Variants in SEMA4C observed in about 807,000 individuals in gnomAD.
The protein encoded by SEMA4C is semaphorin 4C.
Under a neutral mutation model 89.0 loss-of-function variants are expected in SEMA4C, and 19 were observed. The observed-to-expected ratio is 0.21, with a 90% confidence interval of 0.15 to 0.31. SEMA4C has a LOEUF of 0.31. SEMA4C is among the 10% of genes least tolerant of loss of function. The probability of loss-of-function intolerance (pLI) is 1.00; values close to 1 mark genes in which losing one functional copy is unlikely to be tolerated. For synonymous variants in SEMA4C, 428 were observed against 472.7 expected (o/e 0.91, Z 1.23); for missense variants, 811 against 1,107.0 (o/e 0.73, Z 3.79).
intron 2 of SEMA4C, 117 bp from the exon 3 acceptor site, chr2:96,866,548 AT>A: frequency 7.2e-7 from 1 of 1,395,432 alleles, no homozygotes; most frequent in South Asian, 1.2e-5. Flanking sequence ...AAACCCCCTG[AT>A]TGGCAATAAA....
Position 96,860,608 on chromosome 2 carries a change from A to G in SEMA4C, c.*18T>C, listed in dbSNP as rs367613111. Reference sequence around the variant, plus strand: ...GCTACACCTCCCACGCTTCCCGCCGACGCGGTGGGGGTTCCCCTCATACTG... The same window carrying G: ...GCTACACCTCCCACGCTTCCCGCCGGCGCGGTGGGGGTTCCCCTCATACTG... On this transcript the variant is annotated 3_prime_UTR_variant, in exon 15 of 15. Transcript: ENST00000305476. 1.3e-6 allele frequency: 2 copies of G among 1,574,298 alleles called. No homozygotes were observed. Among genetic ancestry groups the G allele is most frequent in the African/African-American group, 1.4e-5 (1 of 73,644 alleles).
At chr2:96,863,447 C>A (rs369447905) in intron 12 of SEMA4C, 1 of 1,300,268 alleles carries the variant, frequency 7.7e-7, no homozygotes, top group Admixed American at 3.4e-5. Flanking sequence ...ATGCTGGGAG[C>A]GCAGCCCCGT....
At position 96,865,906 on chromosome 2, in the gene SEMA4C, C is replaced by A. The variant is rs576787933; in HGVS notation, c.282G>T (p.Glu94Asp). 1.2e-6 allele frequency: 2 copies of A among 1,614,100 alleles called. No individual in the cohort carries two copies. The highest frequency in any genetic ancestry group is 2.7e-5 in the African/African-American group (2 of 75,062). ...QGAISWEAPVEKKTECIQKGK... is the reference protein window; with the variant it reads ...QGAISWEAPVDKKTECIQKGK... The stretch of plus-strand genomic sequence containing the variant: ...CTTTCTGGATACACTCAGTCTTCTT[C>A]TCCACGGGGGCCTCCCAGGAGATCT... Residue 94 changes from glutamate to aspartate, a missense_variant, in exon 4 of 15, where the codon GAG (glutamate) becomes GAT (aspartate). Transcript: ENST00000305476.
chr2:96,870,427 G>T, upstream of SEMA4C: 1 of 819,074 alleles, frequency 1.2e-6, no homozygotes, highest in Non-Finnish European at 1.5e-6. Flanking sequence ...CTGGGCTGGG[G>T]AGAGGGACTC....
chr2:96,863,789 C>T lies in SEMA4C; in HGVS notation c.1336G>A (p.Gly446Ser), dbSNP rs1382847225. The T allele has an allele frequency of 3.7e-6, 6 of 1,613,730 alleles. No homozygotes were observed. The highest frequency in any genetic ancestry group is 5.1e-6 in the Non-Finnish European group (6 of 1,179,986). Residue 446 changes from glycine to serine, a missense_variant, in exon 12 of 15, where the codon GGC becomes AGC. By Grantham distance (56) the Gly-to-Ser change is moderately conservative. Coordinates refer to ENST00000305476, the MANE Select transcript of SEMA4C (RefSeq NM_017789.5). Reference sequence around the variant, plus strand: ...AGGCTCACAGCCTTGAGCAGCCAGCCGTCTCCTGGGGGGTGCAGAGGAGAA... The same window carrying T: ...AGGCTCACAGCCTTGAGCAGCCAGCTGTCTCCTGGGGGGTGCAGAGGAGAA... ...YTVLFIGTGD[G>S]WLLKAVSLGP...
chr2:96,869,401 G>C (rs1245252705), intron 1 of SEMA4C: 3 of 985,128 alleles, frequency 3.0e-6, no homozygotes, highest in Non-Finnish European at 3.6e-6. Context: ...GCTCCAGCCG[G>C]GGACGGCGCG....
chr2:96,864,878 G>A lies in SEMA4C; in HGVS notation c.789C>T (p.Gly263=), dbSNP rs777990010. The part of the protein sequence containing the change: ...VVARVARVCK[G]DMGGARTLQR... ...GCAGGGTCCGTGCGCCCCCCATATC[G>A]CCCTGGCAGACGGCAAGGGGACACT... The change falls in exon 9 of 15, where the codon GGC becomes GGT. Residue 263 remains glycine, a splice_region_variant and synonymous_variant. Transcript: ENST00000305476. This position sits in a 1 kb window ranked among gnomAD's most constrained non-coding sequence, Gnocchi z 6.3. The A allele has an allele frequency of 1.3e-5, 21 of 1,612,614 alleles. No individual in the cohort carries two copies. The highest frequency in any genetic ancestry group is 2.7e-5 in the African/African-American group (2 of 74,918).
chr2:96,862,114 C>T (rs901180236), intron 12 of SEMA4C: 1 of 562,140 alleles, frequency 1.8e-6, no homozygotes, highest in Non-Finnish European at 3.1e-6. Context: ...AGATGCAATC[C>T]TAAGCCCCTT....
chr2:96,870,241 C>T, upstream of SEMA4C: 1 of 985,476 alleles, frequency 1.0e-6, no homozygotes, highest in Non-Finnish European at 1.2e-6. Flanking sequence ...ACCTCCGCCT[C>T]TCTGGGTGCC....
At chr2:96,865,621 G>C in intron 5 of SEMA4C, 45 bp downstream of exon 5, 1 of 1,598,248 alleles carries the variant, frequency 6.3e-7, no homozygotes, top group Non-Finnish European at 8.6e-7. Flanking sequence ...GAAGGGTGAG[G>C]AGGGCGGGGG....
Position 96,865,526 on chromosome 2 carries a change from G to A in SEMA4C, c.432C>T (p.Thr144=), listed in dbSNP as rs758380843. Residue 144 remains threonine (T), a synonymous_variant, in exon 6 of 15, where the codon ACC becomes ACT. Coordinates refer to ENST00000305476, the MANE Select transcript of SEMA4C (RefSeq NM_017789.5). The stretch of plus-strand genomic sequence containing the variant: ...CAAACTCTCCATGCTCCAAAGTGAA[G>A]GTGAGCATGTTCTAAGGACAGAGAG... ...QPKCTYVNML[T]FTLEHGEFED... is the part of the protein sequence containing the mutation. 2 of 1,613,974 alleles carry A rather than the reference G, an allele frequency of 1.2e-6. No individual in the cohort carries two copies. Among genetic ancestry groups the A allele is most frequent in the Non-Finnish European group, 8.5e-7 (1 of 1,179,932 alleles).
Position 96,865,490 on chromosome 2 carries a change from C to T in SEMA4C, c.468G>A (p.Lys156=). The change falls in exon 6 of 15, where the codon AAG becomes AAA. Residue 156 remains lysine, a synonymous_variant. Transcript: ENST00000305476. ...TAGCTGGGTCATAGGGACACTTGCC[C>T]TTCCCATCTTCAAACTCTCCATGCT... ...TLEHGEFEDG[K]GKCPYDPAKG... The T allele has an allele frequency of 6.2e-7, 1 of 1,614,128 alleles. No homozygotes were observed. The highest frequency in any genetic ancestry group is 8.5e-7 in the Non-Finnish European group (1 of 1,180,048).
intron 12 of SEMA4C, chr2:96,863,347 C>T (rs2079995339): frequency 9.2e-7 from 1 of 1,085,056 alleles, no homozygotes; most frequent in African/African-American, 1.6e-5. Flanking sequence ...GGTCTGGTCA[C>T]AGGGGCATGG....
Position 96,861,994 on chromosome 2 carries a change from C to A in SEMA4C, c.1444-100G>T. The A allele has an allele frequency of 7.8e-7, 1 of 1,286,690 alleles. No individual in the cohort carries two copies. The highest frequency in any genetic ancestry group is 1.1e-6 in the Non-Finnish European group (1 of 934,698). The allele number at this position is 1,286,690 out of a possible 1,614,324, so 79.7% of individuals were successfully genotyped here. A position where few individuals can be genotyped will look rare whatever the true frequency, so the allele number is the denominator to read the frequency against. On this transcript the variant is annotated intron_variant, in intron 12 of 14. Transcript: ENST00000305476. The surrounding 1 kb of genome is among the most constrained non-coding windows in gnomAD (Gnocchi z 7.8). ...AGCATGGGGACAGCTTGGACTCCTG[C>A]AGGGGGCACAGCACGGGGCGCCAGA...
At chr2:96,866,018 G>A (rs978689626) in intron 3 of SEMA4C, 89 bp from the exon 4 acceptor site, 24 of 1,359,970 alleles carry the variant, frequency 1.8e-5, no homozygotes, top group South Asian at 3.7e-5. Context: ...ACACAGGGAC[G>A]CCCAGTGCAG....
At chr2:96,867,606 C>T (rs965116685) in intron 2 of SEMA4C, among the ~76,000 whole-genome samples, 172 bp downstream of exon 2, 2 of 152,200 alleles carry the variant, frequency 1.3e-5, no homozygotes, top group African/African-American at 4.8e-5. Context: ...GGGAGTTGGA[C>T]AGAGCTCCCC....
Position 96,866,396 on chromosome 2 carries a change from CG to C in SEMA4C, c.144del (p.Gly49AlafsTer6). The C allele has an allele frequency of 1.2e-6, 2 of 1,613,930 alleles. No homozygotes were observed. The highest frequency in any genetic ancestry group is 1.7e-6 in the Non-Finnish European group (2 of 1,180,044). Reference sequence around the variant, plus strand: ...GTCAGTGTCAGGAAGTCCTGGATGCCGGTCTGGGAGAACCGCCGTACTACCG... The same window carrying C: ...GTCAGTGTCAGGAAGTCCTGGATGCCGTCTGGGAGAACCGCCGTACTACCG... Reference protein sequence around the residue: ...LATVVRRFSQTGIQDFLTLTL... With the variant: ...LATVVRRFSQXGIQDFLTLTL... On this transcript the variant is annotated frameshift_variant, in exon 3 of 15. Coordinates refer to ENST00000305476, the MANE Select transcript of SEMA4C (RefSeq NM_017789.5). LOFTEE classifies it high-confidence loss of function.
upstream of SEMA4C, chr2:96,870,187 C>T: frequency 1.0e-6 from 1 of 984,784 alleles, no homozygotes; most frequent in African/African-American, 1.7e-5. Context: ...GGCTGCGACC[C>T]GCAGCGACCT....
At position 96,865,332 on chromosome 2, in the gene SEMA4C, A is replaced by G. The variant is rs1221105961; in HGVS notation, c.518-12T>C. ...GTACAGCTCACCATCTATGGGAGACAGAGGTCAGCTAGGCCACACATGAGG... is the reference window on the plus strand; with the variant it reads ...GTACAGCTCACCATCTATGGGAGACGGAGGTCAGCTAGGCCACACATGAGG... On this transcript the variant is annotated splice_polypyrimidine_tract_variant and intron_variant, in intron 6 of 14. Transcript: ENST00000305476. 1.9e-6 allele frequency: 3 copies of G among 1,613,810 alleles called. No individual in the cohort carries two copies. The Admixed American group carries it at 5.0e-5, about 27-fold the overall frequency.
Sources: allele counts gnomAD v4.1 joint callset (sites outside exome capture counted in the v4.1 genomes callset), GRCh38; gene constraint gnomAD v4.1.1; non-coding constraint Gnocchi (gnomAD v3.1); transcripts MANE v1.5; gene names NCBI Gene and HGNC (gene_info 2026-07-23, HGNC 2026-07-21).